MAML2: variants seen among roughly 807,000 people sequenced by gnomAD.
MAML2 encodes mastermind-like protein 2.
Under a neutral mutation model 96.1 loss-of-function variants are expected in MAML2, and 22 were observed. The ratio of observed to expected loss-of-function variants is 0.23; its 90% confidence interval spans 0.16 to 0.33. MAML2 has a LOEUF of 0.33. Among genes scored for constraint, MAML2 ranks in the 10% least tolerant of loss-of-function variants. The pLI, the probability that MAML2 is intolerant of heterozygous loss-of-function variation, is 1.00. For missense variants in MAML2, 1,367 were observed against 1,392.4 expected, an observed-to-expected ratio of 0.98 and a Z score of 0.29; for synonymous variants, 561 against 521.3, an observed-to-expected ratio of 1.08 and a Z score of -1.04.
At chr11:96,246,890 C>CT (rs1207761768) in intron 1 of MAML2, among the ~76,000 whole-genome samples, 5 of 152,176 alleles carry the variant, frequency 3.3e-5, no homozygotes, top group African/African-American at 1.2e-4. Context: ...TTCTCACAGT[C>CT]TCCTCACCCT....
intron 1 of MAML2, among the ~76,000 whole-genome samples, chr11:96,212,386 A>G (rs897484166): frequency 6.6e-6 from 1 of 152,052 alleles, no homozygotes; most frequent in Admixed American, 6.6e-5. Flanking sequence ...TAAAGAATGT[A>G]ACACATTTAA....
intron 2 of MAML2, among the ~76,000 whole-genome samples, chr11:96,052,965 CTT>C (rs1859009752): frequency 6.6e-6 from 1 of 152,230 alleles, no homozygotes. Flanking sequence ...TAGGGTGAGA[CTT>C]AAGTGCTGGA....
At chr11:96,268,763 C>CAGATATCCAGTATCCAACAAATACCACTT (rs1317455749) in intron 1 of MAML2, among the ~76,000 whole-genome samples, 1 of 109,408 alleles carries the variant, frequency 9.1e-6, no homozygotes, top group African/African-American at 4.0e-5. Flanking sequence ...GGGGAGTTCC[C>CAGATATCCAGTATCCAACAAATACCACTT]CTGCACACGA....
At chr11:96,159,522 T>G (rs1245106055) in intron 1 of MAML2, among the ~76,000 whole-genome samples, 5 of 147,738 alleles carry the variant, frequency 3.4e-5, no homozygotes, top group Non-Finnish European at 7.4e-5. Flanking sequence ...GCCTCCCGGG[T>G]TCACGCCACT....
intron 2 of MAML2, among the ~76,000 whole-genome samples, chr11:96,032,788 A>G (rs1433686621): frequency 6.6e-6 from 1 of 152,188 alleles, no homozygotes; most frequent in African/African-American, 2.4e-5. Flanking sequence ...GAAAGAAGCC[A>G]GTGGCAAAAG....
At chr11:96,090,862 A>G (rs1859692508) in intron 2 of MAML2, among the ~76,000 whole-genome samples, 1 of 152,182 alleles carries the variant, frequency 6.6e-6, no homozygotes, top group East Asian at 1.9e-4. Context: ...TACTCTAGGA[A>G]TGTTATTGGA....
At chr11:96,017,755 T>C (rs551726946) in intron 2 of MAML2, among the ~76,000 whole-genome samples, 3 of 151,874 alleles carry the variant, frequency 2.0e-5, no homozygotes, top group Admixed American at 6.5e-5. Flanking sequence ...GGTGGGAGCA[T>C]GTTTCATCCG....
chr11:96,173,538 C>T (rs1565237469), intron 1 of MAML2, among the ~76,000 whole-genome samples: 1 of 152,176 alleles, frequency 6.6e-6, no homozygotes, highest in African/African-American at 2.4e-5. Flanking sequence ...AGAGCTGAGA[C>T]TGAGCTTTAT....
rs752973631 is a variant in MAML2 at position 96,166,154 on chromosome 11, G to GTCTCTCTC, written c.514-72645_514-72638dup. Among the ~76,000 whole-genome samples the GTCTCTCTC allele has an allele frequency of 5.8e-3, 662 of 113,802 alleles. 4 individuals are homozygous for GTCTCTCTC. Among genetic ancestry groups the GTCTCTCTC allele is most frequent in the Middle Eastern group, 9.6e-3 (2 of 208 alleles). 74.7% of individuals were successfully genotyped at this position (113,802 alleles called of 152,430 possible). On this transcript the variant is annotated intron_variant, in intron 1 of 4. Transcript: ENST00000524717. ...TTTCTCTGTCTCTCTCTCTCTGTCTGTCTCTCTCTCTCTCTCTCTCTCTCA... is the reference window on the plus strand; with the variant it reads ...TTTCTCTGTCTCTCTCTCTCTGTCTGTCTCTCTCTCTCTCTCTCTCTCTCTCTCTCTCA...
chr11:96,133,947 T>C (rs1304682953), intron 1 of MAML2, among the ~76,000 whole-genome samples: 1 of 151,866 alleles, frequency 6.6e-6, no homozygotes, highest in Non-Finnish European at 1.5e-5. Flanking sequence ...TAAGCTGAGA[T>C]CATGCCACTG....
At chr11:95,983,990 G>A (rs1235496890) in intron 4 of MAML2, among the ~76,000 whole-genome samples, 2 of 152,114 alleles carry the variant, frequency 1.3e-5, no homozygotes, top group Non-Finnish European at 2.9e-5. Flanking sequence ...GCATTCACAC[G>A]CCACTCACTC....
intron 2 of MAML2, among the ~76,000 whole-genome samples, chr11:96,060,384 A>C (rs958314770): frequency 6.6e-6 from 1 of 152,042 alleles, no homozygotes; most frequent in Non-Finnish European, 1.5e-5. Flanking sequence ...TGACTTCCTC[A>C]ATTTACAATT....
At chr11:96,095,617 G>A (rs908567652) in intron 1 of MAML2, among the ~76,000 whole-genome samples, 1 of 152,202 alleles carries the variant, frequency 6.6e-6, no homozygotes, top group Non-Finnish European at 1.5e-5. Flanking sequence ...TAGAAAGAGA[G>A]AAAAATGAAG....
chr11:96,108,670 A>G (rs1345038901), intron 1 of MAML2, among the ~76,000 whole-genome samples: 1 of 152,154 alleles, frequency 6.6e-6, no homozygotes, highest in African/African-American at 2.4e-5. Context: ...TTGCTATTAA[A>G]TCCTTACAAC....
At chr11:96,217,707 G>A (rs183572603) in intron 1 of MAML2, among the ~76,000 whole-genome samples, 10 of 152,280 alleles carry the variant, frequency 6.6e-5, no homozygotes, top group African/African-American at 2.4e-4. Flanking sequence ...TACCCTGATG[G>A]AGTGAACGCC....
At chr11:96,324,990 T>G (rs946191970) in intron 1 of MAML2, among the ~76,000 whole-genome samples, 1 of 152,226 alleles carries the variant, frequency 6.6e-6, no homozygotes. Flanking sequence ...CCTTGTATTC[T>G]TACAAATTAT....
chr11:96,067,850 CT>C (rs1859269683), intron 2 of MAML2, among the ~76,000 whole-genome samples: 1 of 152,142 alleles, frequency 6.6e-6, no homozygotes, highest in African/African-American at 2.4e-5. Flanking sequence ...ATTTTGCAAG[CT>C]TGTGTTTTCA....
At chr11:96,032,069 T>G (rs1858624699) in intron 2 of MAML2, among the ~76,000 whole-genome samples, 1 of 152,168 alleles carries the variant, frequency 6.6e-6, no homozygotes, top group Non-Finnish European at 1.5e-5. Flanking sequence ...GCTATCTCTT[T>G]ACCTGAAAGT....
chr11:96,027,648 C>T (rs1858546565), intron 2 of MAML2, among the ~76,000 whole-genome samples: 1 of 152,174 alleles, frequency 6.6e-6, no homozygotes, highest in African/African-American at 2.4e-5. Flanking sequence ...TATCCTCAGT[C>T]ACGGAGGAGG....
Sources: gnomAD v4.1 joint callset for allele counts (sites outside exome capture counted in the v4.1 genomes callset) on GRCh38, gnomAD v4.1.1 for gene constraint, MANE v1.5 for transcripts, NCBI Gene and HGNC (gene_info 2026-07-23, HGNC 2026-07-21) for gene names.